The following NDST4 variants were observed in gnomAD, a reference collection of about 807,000 sequenced individuals.
The protein encoded by NDST4 is N-heparan sulfate sulfotransferase 4.
In NDST4, 63 loss-of-function variants were observed where a neutral mutation model predicts 100.8. The ratio of observed to expected loss-of-function variants is 0.62; its 90% confidence interval spans 0.51 to 0.77. The LOEUF (loss-of-function observed/expected upper bound fraction) is 0.77, where lower values mean the gene tolerates loss of function less well. NDST4 is among the 30% of genes least tolerant of loss of function. The probability of loss-of-function intolerance (pLI) is 0.00; values close to 1 mark genes in which losing one functional copy is unlikely to be tolerated. For missense variants in NDST4, 943 were observed against 1,018.4 expected, an observed-to-expected ratio of 0.93 and a Z score of 1.01; for synonymous variants, 377 against 361.8, an observed-to-expected ratio of 1.04 and a Z score of -0.48.
intron 6 of NDST4, among the ~76,000 whole-genome samples, chr4:114,895,969 A>C (rs953332019): frequency 1.3e-5 from 2 of 152,202 alleles, no homozygotes; most frequent in African/African-American, 4.8e-5. Flanking sequence ...CAAAATGATC[A>C]AGCTTGCCTA....
Position 114,986,793 on chromosome 4 carries a change from CATATATATATATATATATATATATAT to C in NDST4, c.979-9545_979-9520del, listed in dbSNP as rs59806494. 9.2e-3 allele frequency among the ~76,000 whole-genome samples: 843 copies of C among 91,144 alleles called. 39 individuals are homozygous for C. The highest frequency in any genetic ancestry group is 0.036 in the African/African-American group (806 of 22,118). 59.8% of individuals were successfully genotyped at this position (91,144 alleles called of 152,430 possible). A position where few individuals can be genotyped will look rare whatever the true frequency, so the allele number is the denominator to read the frequency against. On this transcript the variant is annotated intron_variant, in intron 2 of 13. Transcript: ENST00000264363. ...CCTCTAAGCCTGGTATCCAATTATA[CATATATATATATATATATATATATAT>C]ATATATATATATATTTTAATATACT...
At chr4:114,968,915 CTGCAGA>C (rs1214322148) in intron 4 of NDST4, among the ~76,000 whole-genome samples, 4 of 152,014 alleles carry the variant, frequency 2.6e-5, no homozygotes, top group Non-Finnish European at 2.9e-5. Flanking sequence ...TCAGGCCTCT[CTGCAGA>C]TCTACTGAAT....
At chr4:114,983,655 G>A (rs915573857) in intron 2 of NDST4, among the ~76,000 whole-genome samples, 6 of 152,074 alleles carry the variant, frequency 3.9e-5, no homozygotes, top group African/African-American at 1.4e-4. Context: ...TTAGACTTTT[G>A]GGTTAATGCT....
At chr4:115,037,398 T>A (rs1274513401) in intron 2 of NDST4, among the ~76,000 whole-genome samples, 1 of 152,094 alleles carries the variant, frequency 6.6e-6, no homozygotes, top group East Asian at 1.9e-4. Flanking sequence ...GACAGATGAC[T>A]GCTAACTTGT....
chr4:114,984,472 TAC>T (rs1467061122), intron 2 of NDST4, among the ~76,000 whole-genome samples: 1 of 152,126 alleles, frequency 6.6e-6, no homozygotes, highest in Non-Finnish European at 1.5e-5. Flanking sequence ...CCAGGCCTAA[TAC>T]AGTCTTATAT....
At chr4:115,094,628 T>A (rs1375694799) in intron 1 of NDST4, among the ~76,000 whole-genome samples, 4 of 152,162 alleles carry the variant, frequency 2.6e-5, no homozygotes, top group Admixed American at 2.6e-4. Flanking sequence ...TAACCCCCAG[T>A]ATCTCAGAAT....
intron 7 of NDST4, among the ~76,000 whole-genome samples, chr4:114,863,179 A>G (rs933664615): frequency 6.6e-6 from 1 of 152,198 alleles, no homozygotes; most frequent in Non-Finnish European, 1.5e-5. Flanking sequence ...ACTTTTATTG[A>G]TCACCTTCTA....
intron 6 of NDST4, among the ~76,000 whole-genome samples, chr4:114,911,524 A>AT (rs1477780353): frequency 6.6e-6 from 1 of 152,090 alleles, no homozygotes; most frequent in East Asian, 1.9e-4. Context: ...AAGCATGGAT[A>AT]TTTTTTCTTA....
At chr4:115,095,977 A>T (rs1321161221) in intron 1 of NDST4, among the ~76,000 whole-genome samples, 2 of 152,034 alleles carry the variant, frequency 1.3e-5, no homozygotes, top group Non-Finnish European at 2.9e-5. Flanking sequence ...AAAATCTTTA[A>T]GTCATTTATC....
rs115205122 is a variant in NDST4, at chr4:114,897,581, C to G, written c.1537-26631G>C. 9.1e-3 allele frequency among the ~76,000 whole-genome samples: 1,389 copies of G among 152,218 alleles called. 10 individuals carry two copies. The highest frequency in any genetic ancestry group is 0.017 in the Non-Finnish European group (1,130 of 68,010). On this transcript the variant is annotated intron_variant, in intron 6 of 13. Coordinates refer to ENST00000264363, the MANE Select transcript of NDST4 (RefSeq NM_022569.3). ...TGTGGACAAAAATTTTCAGCTTTCA[C>G]TGGTAAATATCAAGCAGCATGATTG...
At chr4:114,842,767 C>T (rs1454903140) in intron 10 of NDST4, 1 of 159,802 alleles carries the variant, frequency 6.3e-6, no homozygotes, top group Non-Finnish European at 1.4e-5. Context: ...CGCCATTGCA[C>T]TCCAACCTGG....
intron 1 of NDST4, among the ~76,000 whole-genome samples, chr4:115,104,509 G>C (rs893166265): frequency 9.2e-5 from 14 of 152,126 alleles, no homozygotes; most frequent in African/African-American, 3.1e-4. Flanking sequence ...CTGAATCTTT[G>C]TCTTTGTCTT....
intron 2 of NDST4, among the ~76,000 whole-genome samples, chr4:115,028,905 G>A (rs1328654821): frequency 6.6e-6 from 1 of 152,068 alleles, no homozygotes; most frequent in Non-Finnish European, 1.5e-5. Context: ...CAAAAGTGAT[G>A]GCAGGGAGTA....
intron 11 of NDST4, among the ~76,000 whole-genome samples, chr4:114,835,707 G>C (rs1723292517): frequency 6.6e-6 from 1 of 152,166 alleles, no homozygotes. Flanking sequence ...TATCGACAGT[G>C]GGGTGTTAAA....
At chr4:114,945,970 G>C (rs1725854124) in intron 4 of NDST4, among the ~76,000 whole-genome samples, 1 of 152,084 alleles carries the variant, frequency 6.6e-6, no homozygotes, top group South Asian at 2.1e-4. Flanking sequence ...TTTTTCTTTT[G>C]ACAAAAGAAA....
chr4:114,842,798 T>TA (rs201803780), intron 10 of NDST4: 2,050 of 148,146 alleles, frequency 0.014, 44 homozygotes, highest in African/African-American at 0.049. Context: ...GAGACTCCAT[T>TA]AAAAAAAAAC....
intron 12 of NDST4, among the ~76,000 whole-genome samples, chr4:114,831,026 AAG>A (rs1008265591): frequency 3.5e-4 from 53 of 152,326 alleles, no homozygotes; most frequent in African/African-American, 1.1e-3. Flanking sequence ...GGATAAAAGA[AAG>A]AGTCATTTCC....
chr4:115,005,988 C>T (rs1375311200), intron 2 of NDST4, among the ~76,000 whole-genome samples: 4 of 131,318 alleles, frequency 3.0e-5, no homozygotes, highest in African/African-American at 3.0e-5. Flanking sequence ...GCTGAGATCG[C>T]GTCACTGCAC....
chr4:115,096,481 G>C (rs1729623400), intron 1 of NDST4, among the ~76,000 whole-genome samples: 1 of 151,666 alleles, frequency 6.6e-6, no homozygotes, highest in South Asian at 2.1e-4. Context: ...ATTTCATAGA[G>C]AGCACAGTAG....
Sources: gnomAD v4.1 joint callset for allele counts (sites outside exome capture counted in the v4.1 genomes callset) on GRCh38, gnomAD v4.1.1 for gene constraint, MANE v1.5 for transcripts, NCBI Gene and HGNC (gene_info 2026-07-23, HGNC 2026-07-21) for gene names.